RHBDF2: variants seen among roughly 807,000 people sequenced by gnomAD.
RHBDF2 encodes the protein rhomboid 5 homolog 2.
A neutral mutation model predicts 95.2 loss-of-function variants in RHBDF2; 38 were observed. The observed-to-expected ratio is 0.40, with a 90% CI of 0.31 to 0.52. RHBDF2 has a LOEUF of 0.52. Ranked by LOEUF, RHBDF2 falls within the 20% of genes least tolerant of loss-of-function variation. The pLI is 0.56. For synonymous variants in RHBDF2, 442 were observed against 462.0 expected (o/e 0.96, Z 0.55); for missense variants, 863 against 1,137.7 (o/e 0.76, Z 3.47).
intron 1 of RHBDF2, among the ~76,000 whole-genome samples, chr17:76,496,045 A>T (rs1295361073): frequency 6.6e-6 from 1 of 152,162 alleles, no homozygotes; most frequent in East Asian, 1.9e-4. Context: ...AAGGGGCCAG[A>T]GATGGGACTC....
At chr17:76,490,045 G>A (rs766069400) in intron 1 of RHBDF2, among the ~76,000 whole-genome samples, 2 of 152,220 alleles carry the variant, frequency 1.3e-5, no homozygotes, top group African/African-American at 2.4e-5. Context: ...GGTCCCCAGC[G>A]GTGCCCAAGG....
Position 76,473,905 on chromosome 17 carries a change from G to A in RHBDF2, c.1575-3C>T. On this transcript the variant is annotated splice_region_variant and splice_polypyrimidine_tract_variant and intron_variant, in intron 13 of 18. Transcript: ENST00000675367. ...TGGAGGCTGGCTCCTCGCAGGTCCT[G>A]GAGACAGGGTTCAGATTGGGCTGTG... The A allele has an allele frequency of 6.2e-7, 1 of 1,613,866 alleles. No homozygotes were observed. Among genetic ancestry groups the A allele is most frequent in the Non-Finnish European group, 8.5e-7 (1 of 1,179,942 alleles).
intron 2 of RHBDF2, among the ~76,000 whole-genome samples, chr17:76,486,077 T>TACACACACACACACAC (rs57942849): frequency 2.2e-4 from 32 of 144,772 alleles, no homozygotes; most frequent in African/African-American, 7.8e-4. Flanking sequence ...TATATATATG[T>TACACACACACACACAC]ACACACACAC....
At position 76,471,769 on chromosome 17, in the gene RHBDF2, A is replaced by G. The variant is rs767031320; in HGVS notation, c.2348T>C (p.Phe783Ser). The change falls in exon 19 of 19, where the codon TTT (phenylalanine) becomes TCT (serine). Residue 783 changes from phenylalanine (F) to serine (S), a missense_variant. Physicochemically the swap from Phe to Ser is radical, Grantham distance 155. Coordinates refer to ENST00000675367, the MANE Select transcript of RHBDF2 (RefSeq NM_001005498.4). The part of the protein sequence containing the change: ...RALILVSLLA[F>S]AGLFAALVLW... ...CACGAGGGCGGCGAAGAGGCCGGCAAAGGCCAGCAGTGACACCAGGATGAG... is the reference window on the plus strand; with the variant it reads ...CACGAGGGCGGCGAAGAGGCCGGCAGAGGCCAGCAGTGACACCAGGATGAG... The G allele has an allele frequency of 6.2e-7, 1 of 1,609,730 alleles. No individual in the cohort carries two copies. Among genetic ancestry groups the G allele is most frequent in the African/African-American group, 1.3e-5 (1 of 74,890 alleles).
rs373073234 is a variant in RHBDF2, at chr17:76,477,439, A to G, written c.802-141T>C. On this transcript the variant is annotated intron_variant, in intron 7 of 18. Transcript: ENST00000675367. ...GGAAGCCACATGCCCGTCAGCCCCA[A>G]TGGTGACTTTCCCGGGTGGCACTGT... The G allele has an allele frequency of 3.0e-4, 369 of 1,212,674 alleles. 2 individuals carry two copies. The highest frequency in any genetic ancestry group is 4.8e-4 in the East Asian group (20 of 41,852). The allele number at this position is 1,212,674 out of a possible 1,614,324, so 75.1% of individuals were successfully genotyped here.
At chr17:76,499,866 T>C (rs898504841) in intron 1 of RHBDF2, among the ~76,000 whole-genome samples, 6 of 147,946 alleles carry the variant, frequency 4.1e-5, no homozygotes, top group Non-Finnish European at 9.0e-5. Flanking sequence ...GAGATTGCCC[T>C]GGGGTTAAGC....
intron 1 of RHBDF2, among the ~76,000 whole-genome samples, chr17:76,496,963 C>T (rs575020756): frequency 6.6e-5 from 10 of 152,206 alleles, no homozygotes; most frequent in Middle Eastern, 3.4e-3. Flanking sequence ...GGGGTTTCAC[C>T]GTATTAGCCA....
chr17:76,477,788 G>T lies in RHBDF2; in HGVS notation c.673-3C>A. 1.2e-6 allele frequency: 2 copies of T among 1,609,446 alleles called. No individual in the cohort carries two copies. Reference sequence around the variant, plus strand: ...GTGGCATCCAGCACCGAGCGCCCCTGTGCACGGGCAGAGGCACAGCCATCA... The same window carrying T: ...GTGGCATCCAGCACCGAGCGCCCCTTTGCACGGGCAGAGGCACAGCCATCA... On this transcript the variant is annotated splice_polypyrimidine_tract_variant and splice_region_variant and intron_variant, in intron 6 of 18. Coordinates refer to ENST00000675367, the MANE Select transcript of RHBDF2 (RefSeq NM_001005498.4).
chr17:76,475,916 T>C (rs2073758925), intron 9 of RHBDF2: 1 of 152,292 alleles, frequency 6.6e-6, no homozygotes, highest in Admixed American at 6.6e-5. Context: ...TTCTTTCTTT[T>C]TTTTTTGAGA....
At chr17:76,484,212 G>A (rs1460007484) in intron 2 of RHBDF2, among the ~76,000 whole-genome samples, 1 of 152,062 alleles carries the variant, frequency 6.6e-6, no homozygotes, top group Admixed American at 6.6e-5. Flanking sequence ...GCAGTGAGCC[G>A]AGATTGCACC....
intron 1 of RHBDF2, among the ~76,000 whole-genome samples, chr17:76,498,821 T>A (rs1052741460): frequency 1.8e-4 from 27 of 149,278 alleles, no homozygotes; most frequent in African/African-American, 6.8e-4. Flanking sequence ...TGTGTGTGTG[T>A]GTGAGTCTGT....
chr17:76,472,152 G>A, intron 18 of RHBDF2, 100 bp from the exon 19 acceptor site: 5 of 1,239,930 alleles, frequency 4.0e-6, no homozygotes, highest in Non-Finnish European at 5.5e-6. Flanking sequence ...CTCCCTGGCA[G>A]GCATGGGGAC....
At chr17:76,488,391 T>C (rs761456028) in intron 1 of RHBDF2, among the ~76,000 whole-genome samples, 1 of 151,806 alleles carries the variant, frequency 6.6e-6, no homozygotes, top group Non-Finnish European at 1.5e-5. Flanking sequence ...TCCCAGCTAC[T>C]CGGGAGGTTG....
intron 1 of RHBDF2, among the ~76,000 whole-genome samples, chr17:76,495,382 C>G (rs1567892354): frequency 6.6e-6 from 1 of 152,260 alleles, no homozygotes; most frequent in African/African-American, 2.4e-5. Context: ...TGCCTCCAGA[C>G]AGTGAAAATC....
At position 76,479,720 on chromosome 17, in the gene RHBDF2, TA is replaced by T; in HGVS notation, c.272+12del. 2 of 1,598,122 alleles carry T rather than the reference TA, an allele frequency of 1.3e-6. No individual in the cohort carries two copies. The highest frequency in any genetic ancestry group is 1.3e-5 in the African/African-American group (1 of 74,706). ...GGGTGGGGGGTGCTGGGCTTGGGTG[TA>T]GGGGGGCTCACTTGCGGATGCTCTG... is the stretch of plus-strand genomic sequence containing the variant. On this transcript the variant is annotated intron_variant, in intron 4 of 18. Transcript: ENST00000675367.
intron 1 of RHBDF2, among the ~76,000 whole-genome samples, chr17:76,499,773 A>T (rs2074529669): frequency 6.6e-6 from 1 of 152,140 alleles, no homozygotes; most frequent in Non-Finnish European, 1.5e-5. Flanking sequence ...GGGAAAATCT[A>T]TGGGAAGAGA....
rs1402414445 is a variant in RHBDF2, at chr17:76,477,412, T to G, written c.802-114A>C. 8.9e-6 allele frequency: 12 copies of G among 1,350,952 alleles called. No individual in the cohort carries two copies. The East Asian group carries it at 1.9e-4, about 21-fold the overall frequency. The allele number at this position is 1,350,952 out of a possible 1,614,324, so 83.7% of individuals were successfully genotyped here. On this transcript the variant is annotated intron_variant, in intron 7 of 18. Transcript: ENST00000675367. Reference sequence around the variant, plus strand: ...AACAGACGGGCTCTTCACAATGAATTGGGAAGCCACATGCCCGTCAGCCCC... The same window carrying G: ...AACAGACGGGCTCTTCACAATGAATGGGGAAGCCACATGCCCGTCAGCCCC...
At position 76,471,716 on chromosome 17, in the gene RHBDF2, A is replaced by G; in HGVS notation, c.2401T>C (p.Trp801Arg). The G allele has an allele frequency of 6.2e-7, 1 of 1,611,256 alleles. No homozygotes were observed. Residue 801 changes from tryptophan (W) to arginine (R), a missense_variant, in exon 19 of 19, where the codon TGG (tryptophan) becomes CGG (arginine). By Grantham distance (101) the Trp-to-Arg change is moderately radical. This residue lies in a region of RHBDF2 where 252 missense variants were observed against 412.2 expected (regional missense o/e 0.61). Transcript: ENST00000675367. The stretch of plus-strand genomic sequence containing the variant: ...CAGGTGAGGTGCTCGATCCAGGGCC[A>G]GTTAATGGGGTAGATGTACAGCCAC... ...VLWLYIYPIN[W>R]PWIEHLTCFP... is the part of the protein sequence containing the mutation.
chr17:76,471,333 T>C lies in RHBDF2; in HGVS notation c.*300A>G. ...AAGAAAAGGACCCTGCCCCAGGAGA[T>C]GGTCTCAGCAAGGAGCGGGATATTA... is the stretch of plus-strand genomic sequence containing the variant. On this transcript the variant is annotated 3_prime_UTR_variant, in exon 19 of 19. Coordinates refer to ENST00000675367, the MANE Select transcript of RHBDF2 (RefSeq NM_001005498.4). The C allele has an allele frequency of 2.8e-6, 1 of 362,646 alleles. No homozygotes were observed. Among genetic ancestry groups the C allele is most frequent in the East Asian group, 4.8e-5 (1 of 20,934 alleles). The allele number at this position is 362,646 out of a possible 1,614,324, so 22.5% of individuals were successfully genotyped here. A position where few individuals can be genotyped will look rare whatever the true frequency, so the allele number is the denominator to read the frequency against.
Sources: allele counts gnomAD v4.1 joint callset (sites outside exome capture counted in the v4.1 genomes callset), GRCh38; gene constraint gnomAD v4.1.1; regional missense constraint gnomAD v4.1.1; transcripts MANE v1.5; gene names NCBI Gene and HGNC (gene_info 2026-07-23, HGNC 2026-07-21).